BICC1: variants seen among roughly 807,000 people sequenced by gnomAD.
BICC1 encodes BicC family RNA binding protein 1.
Under a neutral mutation model 111.0 loss-of-function variants are expected in BICC1, and 43 were observed. That is an observed-to-expected ratio of 0.39 (90% confidence interval 0.30 to 0.50). The LOEUF is 0.50. Ranked by LOEUF, BICC1 falls within the 20% of genes least tolerant of loss-of-function variation. The probability of loss-of-function intolerance (pLI) is 0.88; values close to 1 mark genes in which losing one functional copy is unlikely to be tolerated. For missense variants in BICC1, 1,091 were observed against 1,203.2 expected (o/e 0.91, Z 1.38); for synonymous variants, 467 against 434.4 (o/e 1.07, Z -0.93).
At chr10:58,828,258 T>TG (rs1005624862) in intron 20 of BICC1, among the ~76,000 whole-genome samples, 1 of 151,694 alleles carries the variant, frequency 6.6e-6, no homozygotes, top group Non-Finnish European at 1.5e-5. Context: ...TGCTTAGGTA[T>TG]GGGGTCTTCT....
chr10:58,552,512 T>G (rs1326675636), intron 1 of BICC1, among the ~76,000 whole-genome samples: 3 of 152,040 alleles, frequency 2.0e-5, no homozygotes, highest in Admixed American at 2.0e-4. Flanking sequence ...ATTTTTTGTA[T>G]TTTTAGAAGA....
intron 1 of BICC1, among the ~76,000 whole-genome samples, chr10:58,597,099 C>A: frequency 6.6e-6 from 1 of 152,096 alleles, no homozygotes; most frequent in East Asian, 1.9e-4. Context: ...AATGTAAGTT[C>A]TTTCTATTTT....
upstream of BICC1, among the ~76,000 whole-genome samples, chr10:58,512,249 C>G (rs7074469): frequency 0.97 from 148,068 of 152,230 alleles, 72,027 homozygotes; most frequent in East Asian, 1. Context: ...TGGGAGGAGA[C>G]GAGGTGTCTG....
At chr10:58,758,931 A>ATATTTATTTATT (rs141127868) in intron 3 of BICC1, among the ~76,000 whole-genome samples, 5 of 144,152 alleles carry the variant, frequency 3.5e-5, no homozygotes, top group South Asian at 2.2e-4. Flanking sequence ...GATCATTAAA[A>ATATTTATTTATT]TATTTATTTA....
chr10:58,523,650 G>A (rs1196018796), intron 1 of BICC1, among the ~76,000 whole-genome samples: 1 of 152,136 alleles, frequency 6.6e-6, no homozygotes, highest in Admixed American at 6.5e-5. Flanking sequence ...GCACAAGACA[G>A]GGATGCCCTC....
intron 17 of BICC1, among the ~76,000 whole-genome samples, chr10:58,807,821 C>G (rs4245601): frequency 0.76 from 115,835 of 152,012 alleles, 44,308 homozygotes; most frequent in African/African-American, 0.81. Context: ...CTTTGGGAGT[C>G]GGGGTGGGTC....
intron 3 of BICC1, among the ~76,000 whole-genome samples, chr10:58,743,943 A>G (rs1841750672): frequency 6.6e-6 from 1 of 152,150 alleles, no homozygotes; most frequent in Admixed American, 6.6e-5. Context: ...TTCCCGTGAC[A>G]ACACAACTTA....
chr10:58,678,886 T>C (rs1839428187), intron 2 of BICC1, among the ~76,000 whole-genome samples: 2 of 152,292 alleles, frequency 1.3e-5, no homozygotes, highest in South Asian at 4.1e-4. Context: ...AGAAACTCAC[T>C]CAAAACTGCA....
intron 3 of BICC1, among the ~76,000 whole-genome samples, chr10:58,726,299 C>T (rs967897849): frequency 6.6e-6 from 1 of 152,164 alleles, no homozygotes; most frequent in Admixed American, 6.6e-5. Context: ...TGAACACTCA[C>T]CTAGTCAGCT....
chr10:58,551,461 A>G (rs1439863671), intron 1 of BICC1, among the ~76,000 whole-genome samples: 1 of 152,140 alleles, frequency 6.6e-6, no homozygotes, highest in Non-Finnish European at 1.5e-5. Context: ...TAACATATCC[A>G]TTACCTTACA....
intron 3 of BICC1, among the ~76,000 whole-genome samples, chr10:58,767,361 G>A (rs972601110): frequency 6.6e-6 from 1 of 152,198 alleles, no homozygotes; most frequent in Non-Finnish European, 1.5e-5. Context: ...AGCAAAAAGA[G>A]TGGAGGGAGT....
At chr10:58,691,323 C>A (rs1241635601) in intron 2 of BICC1, among the ~76,000 whole-genome samples, 3 of 152,142 alleles carry the variant, frequency 2.0e-5, no homozygotes, top group Admixed American at 6.5e-5. Context: ...TTTAATAAAT[C>A]TCTTTGTAGT....
At chr10:58,548,945 A>C (rs1265063155) in intron 1 of BICC1, among the ~76,000 whole-genome samples, 2 of 151,796 alleles carry the variant, frequency 1.3e-5, no homozygotes, top group African/African-American at 4.8e-5. Flanking sequence ...CTGCAGCCTC[A>C]ACTTCCTGGG....
chr10:58,758,527 A>G (rs72802491), intron 3 of BICC1, among the ~76,000 whole-genome samples: 8,836 of 152,242 alleles, frequency 0.058, 603 homozygotes, highest in African/African-American at 0.17. Context: ...CTGTGACAAA[A>G]AGGCAGTTCA....
chr10:58,667,851 T>G (rs571890693), intron 2 of BICC1, among the ~76,000 whole-genome samples: 7 of 152,198 alleles, frequency 4.6e-5, no homozygotes, highest in Non-Finnish European at 1.0e-4. Flanking sequence ...CTAGGTGATC[T>G]TAAATCTCTC....
chr10:58,681,704 C>A (rs1839527075), intron 2 of BICC1, among the ~76,000 whole-genome samples: 1 of 151,994 alleles, frequency 6.6e-6, no homozygotes, highest in Non-Finnish European at 1.5e-5. Context: ...AGCCGTGGAC[C>A]CTCGCGGTGA....
intron 1 of BICC1, among the ~76,000 whole-genome samples, chr10:58,546,741 ATTTTG>A (rs1034371436): frequency 8.5e-5 from 13 of 152,324 alleles, no homozygotes; most frequent in Non-Finnish European, 1.6e-4. Flanking sequence ...AAAATAATTT[ATTTTG>A]TTATCCTGTT....
At chr10:58,714,226 G>A (rs776120128) in intron 3 of BICC1, among the ~76,000 whole-genome samples, 11 of 152,162 alleles carry the variant, frequency 7.2e-5, no homozygotes, top group East Asian at 3.9e-4. Flanking sequence ...CTGGATTCCC[G>A]TTAGAACATT....
rs543083067 is a variant in BICC1, at chr10:58,676,135, A to C, written c.238-25939A>C. ...CCACTGTCTTCACAACCCGCAGACC[A>C]GGAGATTCCCTAGGGTGCCTACACC... On this transcript the variant is annotated intron_variant, in intron 2 of 20. Coordinates refer to ENST00000373886, the MANE Select transcript of BICC1 (RefSeq NM_001080512.3). 3.3e-5 allele frequency among the ~76,000 whole-genome samples: 5 copies of C among 152,294 alleles called. No individual in the cohort carries two copies. In the South Asian group the frequency reaches 1.0e-3, roughly 32 times the overall value.
Sources: gnomAD v4.1 joint callset for allele counts (sites outside exome capture counted in the v4.1 genomes callset) on GRCh38, gnomAD v4.1.1 for gene constraint, MANE v1.5 for transcripts, NCBI Gene and HGNC (gene_info 2026-07-23, HGNC 2026-07-21) for gene names.